The following HS3ST4 variants were observed in gnomAD, a reference collection of about 807,000 sequenced individuals.
The protein encoded by HS3ST4 is heparan sulfate-glucosamine 3-sulfotransferase 4, also known as heparan sulfate glucosamine 3-O-sulfotransferase 4.
Under a neutral mutation model 29.2 loss-of-function variants are expected in HS3ST4, and 17 were observed. That is an observed-to-expected ratio of 0.58 (90% CI 0.40 to 0.87). HS3ST4 has a LOEUF of 0.87. HS3ST4 is among the 40% of genes least tolerant of loss of function. The pLI is 0.00. For synonymous variants in HS3ST4, 314 were observed against 285.7 expected, an observed-to-expected ratio of 1.10 and a Z score of -1.00; for missense variants, 627 against 634.5, an observed-to-expected ratio of 0.99 and a Z score of 0.13.
chr16:25,935,913 C>A (rs12598410), intron 1 of HS3ST4, among the ~76,000 whole-genome samples: 9,298 of 151,742 alleles, frequency 0.061, 505 homozygotes, highest in East Asian at 0.28. Context: ...AGATACTAGA[C>A]TTTTTTTTAA....
chr16:25,717,329 G>T (rs555232419), intron 1 of HS3ST4, among the ~76,000 whole-genome samples: 2 of 152,030 alleles, frequency 1.3e-5, no homozygotes, highest in African/African-American at 4.8e-5. Flanking sequence ...AGTAAATAAG[G>T]TTAAAATTAC....
intron 1 of HS3ST4, among the ~76,000 whole-genome samples, chr16:25,828,161 C>A (rs2141637308): frequency 7.8e-6 from 1 of 127,976 alleles, no homozygotes; most frequent in East Asian, 2.7e-4. Flanking sequence ...CCTTTCCTTT[C>A]CTTCCTTTCT....
At chr16:25,959,094 AG>A (rs1968767568) in intron 1 of HS3ST4, among the ~76,000 whole-genome samples, 1 of 152,190 alleles carries the variant, frequency 6.6e-6, no homozygotes, top group South Asian at 2.1e-4. Flanking sequence ...CAAGGAATTT[AG>A]GGTTAGGATT....
intron 1 of HS3ST4, among the ~76,000 whole-genome samples, chr16:25,840,058 A>C (rs1967397750): frequency 6.6e-6 from 1 of 152,218 alleles, no homozygotes; most frequent in Admixed American, 6.5e-5. Flanking sequence ...CCTGTCAATC[A>C]GTGGAAACTA....
chr16:25,943,824 T>C (rs939401053), intron 1 of HS3ST4, among the ~76,000 whole-genome samples: 2 of 152,180 alleles, frequency 1.3e-5, no homozygotes, highest in African/African-American at 4.8e-5. Context: ...TTAAGAACTA[T>C]TGGACTGGGT....
chr16:25,692,970 G>A lies in HS3ST4; in HGVS notation c.553G>A (p.Gly185Ser). ...GGCCAACGGGAGCAGCGAGAGGGGC[G>A]GCGCCGTCAGCACCCCCGACTATGG... ...RAANGSSERG[G>S]AVSTPDYGEK... Residue 185 changes from glycine (G) to serine (S), a missense_variant, in exon 1 of 2, where the codon GGC becomes AGC. Physicochemically the swap from Gly to Ser is moderately conservative, Grantham distance 56 (BLOSUM62 0). Around this residue, in one of 2 missense-constraint regions of HS3ST4, gnomAD observed 402 missense variants for 340.8 expected, o/e 1.18. Transcript: ENST00000331351. 3 of 1,610,814 alleles carry A rather than the reference G, an allele frequency of 1.9e-6. No homozygotes were observed. The highest frequency in any genetic ancestry group is 1.1e-5 in the South Asian group (1 of 90,746).
chr16:25,929,495 A>G (rs1016872394), intron 1 of HS3ST4, among the ~76,000 whole-genome samples: 6 of 152,316 alleles, frequency 3.9e-5, no homozygotes, highest in South Asian at 2.1e-4. Flanking sequence ...GCATCCCACT[A>G]CTGTCTGGAT....
At chr16:26,081,644 C>T (rs1424772105) in intron 1 of HS3ST4, among the ~76,000 whole-genome samples, 1 of 152,088 alleles carries the variant, frequency 6.6e-6, no homozygotes, top group Non-Finnish European at 1.5e-5. Context: ...CCTTAAAGAC[C>T]AGGAGAAATT....
At chr16:25,750,825 C>T (rs1413980507) in intron 1 of HS3ST4, among the ~76,000 whole-genome samples, 2 of 152,164 alleles carry the variant, frequency 1.3e-5, no homozygotes, top group African/African-American at 2.4e-5. Context: ...CCCGCTTTTC[C>T]CTTCTACTTC....
intron 1 of HS3ST4, among the ~76,000 whole-genome samples, chr16:26,029,467 C>T (rs562592912): frequency 6.6e-6 from 1 of 151,844 alleles, no homozygotes; most frequent in Non-Finnish European, 1.5e-5. Flanking sequence ...GGCTGGAGTG[C>T]AATGGCACAA....
At chr16:25,905,259 G>T (rs567375875) in intron 1 of HS3ST4, among the ~76,000 whole-genome samples, 24 of 152,222 alleles carry the variant, frequency 1.6e-4, no homozygotes, top group African/African-American at 5.3e-4. Flanking sequence ...GATAAGACTG[G>T]ATTCCTCTCC....
intron 1 of HS3ST4, among the ~76,000 whole-genome samples, chr16:26,016,488 T>C (rs4633724): frequency 0.69 from 105,439 of 152,176 alleles, 38,013 homozygotes; most frequent in African/African-American, 0.89. Context: ...GCTTGAATAC[T>C]TCTCTATCAT....
chr16:25,954,369 C>A (rs1308834088), intron 1 of HS3ST4, among the ~76,000 whole-genome samples: 1 of 152,142 alleles, frequency 6.6e-6, no homozygotes, highest in African/African-American at 2.4e-5. Context: ...CTACCCCTGC[C>A]AAACATAAGC....
chr16:26,007,823 C>A lies in HS3ST4; in HGVS notation c.735-127789C>A, dbSNP rs79917504. Among the ~76,000 whole-genome samples, 139 of 152,182 alleles carry A rather than the reference C, an allele frequency of 9.1e-4. 3 individuals are homozygous for A. In the East Asian group the frequency reaches 0.02, roughly 22 times the overall value. On this transcript the variant is annotated intron_variant, in intron 1 of 1. Coordinates refer to ENST00000331351, the MANE Select transcript of HS3ST4 (RefSeq NM_006040.3). ...GCAGTATCAAGGGAAGCTGCTTCAC[C>A]ATACAGCCTTTCTTCCCCCGCCCAC... is the stretch of plus-strand genomic sequence containing the variant.
chr16:25,700,644 T>C (rs1966328348), intron 1 of HS3ST4, among the ~76,000 whole-genome samples: 1 of 152,220 alleles, frequency 6.6e-6, no homozygotes, highest in African/African-American at 2.4e-5. Flanking sequence ...TGGTTTTGCA[T>C]AATGGATGAT....
chr16:26,127,290 C>T (rs898922589), intron 1 of HS3ST4, among the ~76,000 whole-genome samples: 1 of 152,160 alleles, frequency 6.6e-6, no homozygotes, highest in African/African-American at 2.4e-5. Flanking sequence ...GGACCACATC[C>T]CTGCTGCCAT....
chr16:25,926,568 T>G (rs1308170610), intron 1 of HS3ST4, among the ~76,000 whole-genome samples: 1 of 152,220 alleles, frequency 6.6e-6, no homozygotes, highest in Non-Finnish European at 1.5e-5. Flanking sequence ...AGTGAGCATT[T>G]ACTATGTGCC....
chr16:25,903,274 G>A (rs1001295278), intron 1 of HS3ST4, among the ~76,000 whole-genome samples: 1 of 25,532 alleles, frequency 3.9e-5, no homozygotes, highest in Non-Finnish European at 7.8e-5. Flanking sequence ...AAGAATATAC[G>A]TGTGTGTGTG....
intron 1 of HS3ST4, among the ~76,000 whole-genome samples, chr16:25,916,378 T>C (rs1968292457): frequency 6.6e-6 from 1 of 152,154 alleles, no homozygotes; most frequent in African/African-American, 2.4e-5. Context: ...ATTTTTTTTT[T>C]TGAGACAGAG....
Sources: gnomAD v4.1 joint callset for allele counts (sites outside exome capture counted in the v4.1 genomes callset) on GRCh38, gnomAD v4.1.1 for gene constraint, gnomAD v4.1.1 regional missense constraint, MANE v1.5 for transcripts, NCBI Gene and HGNC (gene_info 2026-07-23, HGNC 2026-07-21) for gene names.